Variants in SCP2 observed in about 807,000 individuals in gnomAD.
SCP2 encodes SCP-2/3-oxoacyl-CoA thiolase.
A neutral mutation model predicts 71.4 loss-of-function variants in SCP2; 48 were observed. That is an observed-to-expected ratio of 0.67 (90% confidence interval 0.53 to 0.86). SCP2 has a LOEUF of 0.86. Among genes scored for constraint, SCP2 ranks in the 40% least tolerant of loss-of-function variants. The pLI is 0.00. For synonymous variants in SCP2, 220 were observed against 218.1 expected (o/e 1.01, Z -0.08); for missense variants, 560 against 655.6 (o/e 0.85, Z 1.59).
At chr1:53,033,487 C>T (rs1662694991) in intron 13 of SCP2, among the ~76,000 whole-genome samples, 2 of 151,910 alleles carry the variant, frequency 1.3e-5, no homozygotes, top group South Asian at 4.2e-4. Context: ...TGCCTGTAAT[C>T]CCAGCTACTT....
chr1:53,022,141 T>C (rs538148423), intron 12 of SCP2, among the ~76,000 whole-genome samples: 4 of 152,364 alleles, frequency 2.6e-5, no homozygotes, highest in Non-Finnish European at 5.9e-5. Context: ...TCCCTCCTTC[T>C]TGCAGTCTCT....
intron 10 of SCP2, among the ~76,000 whole-genome samples, chr1:52,985,371 C>T (rs114819058): frequency 2.6e-5 from 4 of 152,172 alleles, no homozygotes; most frequent in Admixed American, 2.0e-4. Context: ...TCTTTTCTCT[C>T]TCTCACAATC....
intron 12 of SCP2, among the ~76,000 whole-genome samples, chr1:53,019,939 C>T (rs1222181430): frequency 1.3e-5 from 2 of 152,014 alleles, no homozygotes; most frequent in Admixed American, 6.6e-5. Context: ...TAGGCTGGAG[C>T]GCAGTAGCAC....
At chr1:52,950,670 A>G in intron 3 of SCP2, 85 bp from the exon 4 acceptor site, 1 of 1,077,862 alleles carries the variant, frequency 9.3e-7, no homozygotes, top group African/African-American at 1.6e-5. Context: ...GCAAAGGTAT[A>G]ATATTGAAAA....
chr1:53,008,585 C>T (rs914415226), intron 11 of SCP2, among the ~76,000 whole-genome samples: 2 of 152,184 alleles, frequency 1.3e-5, no homozygotes, highest in Non-Finnish European at 2.9e-5. Context: ...AACAGCCCAT[C>T]ATGCTAAAAA....
chr1:53,014,746 C>T (rs1175688721), intron 11 of SCP2, 144 bp from the exon 12 acceptor site: 2 of 853,586 alleles, frequency 2.3e-6, no homozygotes, highest in Non-Finnish European at 3.7e-6. Flanking sequence ...GCTGCAAAAC[C>T]CTTCGGTGTT....
intron 13 of SCP2, among the ~76,000 whole-genome samples, chr1:53,029,207 C>G (rs17107654): frequency 0.14 from 21,798 of 151,710 alleles, 2,272 homozygotes; most frequent in East Asian, 0.32. Context: ...ATTCTCTTCA[C>G]GCAAAATTGA....
intron 4 of SCP2, 48 bp downstream of exon 4, chr1:52,950,934 A>G (rs1023986132): frequency 6.4e-7 from 1 of 1,552,824 alleles, no homozygotes; most frequent in Non-Finnish European, 8.9e-7. Context: ...CATTTTAATC[A>G]TTTAATCACA....
chr1:52,969,569 C>T (rs553203482), intron 6 of SCP2, among the ~76,000 whole-genome samples: 18 of 152,212 alleles, frequency 1.2e-4, no homozygotes, highest in Admixed American at 3.3e-4. Flanking sequence ...CACCTGTAAT[C>T]CCAGCACTTT....
rs1286219722 is a variant in SCP2, at chr1:53,051,318, G to C, written c.*614G>C. 1 of 151,948 alleles carries C rather than the reference G, an allele frequency of 6.6e-6. No homozygotes were observed. The highest frequency in any genetic ancestry group is 2.4e-5 in the African/African-American group (1 of 41,362). 9.4% of individuals were successfully genotyped at this position (151,948 alleles called of 1,614,324 possible). ...TTAAAATAAAAATATTTTTAACATG[G>C]GTTTCCTTATTGAAAAATCAGTGTA... On this transcript the variant is annotated 3_prime_UTR_variant, in exon 16 of 16. Transcript: ENST00000371514.
chr1:52,993,015 A>C (rs185887969), intron 11 of SCP2, among the ~76,000 whole-genome samples: 2 of 152,304 alleles, frequency 1.3e-5, no homozygotes, highest in East Asian at 3.9e-4. Context: ...GTTTCCTTTA[A>C]GTTTGTCTGG....
intron 1 of SCP2, among the ~76,000 whole-genome samples, chr1:52,939,724 G>T (rs1477741709): frequency 6.6e-6 from 1 of 152,062 alleles, no homozygotes; most frequent in Non-Finnish European, 1.5e-5. Context: ...TGTTGCCCAG[G>T]CTGGAGTGCA....
At chr1:53,024,748 T>A (rs1661998587) in intron 12 of SCP2, among the ~76,000 whole-genome samples, 1 of 152,016 alleles carries the variant, frequency 6.6e-6, no homozygotes, top group Non-Finnish European at 1.5e-5. Context: ...ATTTTTGTAT[T>A]TTTAGTAGAG....
At chr1:53,005,341 C>A (rs1209326751) in intron 11 of SCP2, among the ~76,000 whole-genome samples, 1 of 152,152 alleles carries the variant, frequency 6.6e-6, no homozygotes, top group Admixed American at 6.5e-5. Flanking sequence ...GTCCCTGACC[C>A]CCGAGTAGCC....
At position 52,935,175 on chromosome 1, in the gene SCP2, A is replaced by G. The variant is rs569481254; in HGVS notation, c.70-6621A>G. ...CAGCTACTCAGGAGGCTGAGGCAGG[A>G]GAATTGCATGAACCCGGGAGGCGGA... is the stretch of plus-strand genomic sequence containing the variant. On this transcript the variant is annotated intron_variant, in intron 1 of 15. Coordinates refer to ENST00000371514, the MANE Select transcript of SCP2 (RefSeq NM_002979.5). Among the ~76,000 whole-genome samples, 4 of 152,096 alleles carry G rather than the reference A, an allele frequency of 2.6e-5. No individual in the cohort carries two copies. In the East Asian group the frequency reaches 5.9e-4, roughly 22 times the overall value.
chr1:52,953,512 A>AT (rs1234283583), intron 4 of SCP2, among the ~76,000 whole-genome samples: 4 of 151,990 alleles, frequency 2.6e-5, no homozygotes, highest in African/African-American at 9.6e-5. Context: ...TACCCAACTA[A>AT]TTTTTGTATA....
intron 1 of SCP2, among the ~76,000 whole-genome samples, chr1:52,934,241 T>TA (rs1449769525): frequency 6.6e-6 from 1 of 152,236 alleles, no homozygotes; most frequent in Non-Finnish European, 1.5e-5. Flanking sequence ...TTTCTAAAGA[T>TA]AAAATTTGGG....
At chr1:52,965,033 A>G (rs1191470392) in intron 6 of SCP2, among the ~76,000 whole-genome samples, 1 of 148,280 alleles carries the variant, frequency 6.7e-6, no homozygotes, top group Non-Finnish European at 1.5e-5. Flanking sequence ...ACAAACAAAC[A>G]AACAACAACA....
intron 1 of SCP2, among the ~76,000 whole-genome samples, chr1:52,934,491 T>C (rs1557540492): frequency 1.3e-5 from 2 of 150,806 alleles, no homozygotes; most frequent in Non-Finnish European, 2.9e-5. Flanking sequence ...TATGGATCCA[T>C]TGAATGGATC....
Sources: gnomAD v4.1 joint callset for allele counts (sites outside exome capture counted in the v4.1 genomes callset) on GRCh38, gnomAD v4.1.1 for gene constraint, MANE v1.5 for transcripts, NCBI Gene and HGNC (gene_info 2026-07-23, HGNC 2026-07-21) for gene names.